Variants in PTPN13 observed in about 807,000 individuals in gnomAD.
The protein encoded by PTPN13 is protein tyrosine phosphatase non-receptor type 13.
A neutral mutation model predicts 284.0 loss-of-function variants in PTPN13; 191 were observed. That is an observed-to-expected ratio of 0.67 (90% CI 0.60 to 0.76). The LOEUF is 0.76. Ranked by LOEUF, PTPN13 falls within the 30% of genes least tolerant of loss-of-function variation. PTPN13 has a pLI of 0.00. For missense variants in PTPN13, 2,797 were observed against 2,939.9 expected (o/e 0.95, Z 1.12); for synonymous variants, 986 against 1,022.3 (o/e 0.96, Z 0.68).
chr4:86,628,421 T>C (rs1406890573), intron 1 of PTPN13, among the ~76,000 whole-genome samples: 3 of 152,126 alleles, frequency 2.0e-5, no homozygotes, highest in Admixed American at 1.3e-4. Context: ...GGTTTTTTAA[T>C]TATATATTCT....
intron 17 of PTPN13, among the ~76,000 whole-genome samples, chr4:86,746,625 G>GATT (rs1554332273): frequency 1.3e-5 from 2 of 151,000 alleles, no homozygotes; most frequent in African/African-American, 4.9e-5. Context: ...CCTCAGTAAT[G>GATT]TTTTTTTTTG....
chr4:86,803,744 C>T lies in PTPN13; in HGVS notation c.6541C>T (p.Leu2181Phe), dbSNP rs757562929. 1 of 1,613,884 alleles carries T rather than the reference C, an allele frequency of 6.2e-7. No homozygotes were observed. The highest frequency in any genetic ancestry group is 1.1e-5 in the South Asian group (1 of 91,074). The change falls in exon 43 of 48, where the codon CTC becomes TTC. Residue 2181 changes from leucine to phenylalanine, a missense_variant. Leu to Phe is a conservative substitution (Grantham distance 22). Coordinates refer to ENST00000411767, the MANE Select transcript of PTPN13 (RefSeq NM_080683.3). ...SFLTNDELAV[L>F]PVVKVLPSGK... ...TCTGACAAACGATGAGCTCGCTGTA[C>T]TCCCTGTCGTCAAAGTGCTTCCCTC...
chr4:86,741,747 A>G lies in PTPN13; in HGVS notation c.2418A>G (p.Glu806=), dbSNP rs1254750413. 1.2e-6 allele frequency: 2 copies of G among 1,613,384 alleles called. No homozygotes were observed. The highest frequency in any genetic ancestry group is 2.2e-5 in the East Asian group (1 of 44,848). ...GTTCTAAAGGTGTCCTTGTGTTTGA[A>G]GTTCACAATGGAGTGCGCACATTGG... ...GVCSKGVLVF[E]VHNGVRTLVL... Residue 806 remains glutamate (E), a synonymous_variant, in exon 16 of 48, where the codon GAA becomes GAG. Coordinates refer to ENST00000411767, the MANE Select transcript of PTPN13 (RefSeq NM_080683.3).
At chr4:86,706,856 T>C (rs1437877808) in intron 7 of PTPN13, among the ~76,000 whole-genome samples, 2 of 152,240 alleles carry the variant, frequency 1.3e-5, no homozygotes, top group Non-Finnish European at 2.9e-5. Context: ...TAAAATTTGA[T>C]GTTGCCCTTT....
At chr4:86,726,184 G>T (rs192476433) in intron 10 of PTPN13, among the ~76,000 whole-genome samples, 105 of 149,640 alleles carry the variant, frequency 7.0e-4, no homozygotes, top group African/African-American at 2.5e-3. Flanking sequence ...CTATATCTCT[G>T]TTTTGGTACC....
At position 86,613,633 on chromosome 4, in the gene PTPN13, C is replaced by CAAAAAAAAAAAAAAAAAA. The variant is rs544971012; in HGVS notation, c.-6+18845_-6+18862dup. 4.8e-3 allele frequency among the ~76,000 whole-genome samples: 295 copies of CAAAAAAAAAAAAAAAAAA among 61,436 alleles called. 4 individuals carry two copies. Among genetic ancestry groups the CAAAAAAAAAAAAAAAAAA allele is most frequent in the African/African-American group, 6.2e-3 (107 of 17,286 alleles). The allele number at this position is 61,436 out of a possible 152,430, so 40.3% of individuals were successfully genotyped here. Reference sequence around the variant, plus strand: ...TGGGCGACAAGGTGAGACTCCGTCTCAAAAAAAAAAAAAAAAAAGAGTTTG... The same window carrying CAAAAAAAAAAAAAAAAAA: ...TGGGCGACAAGGTGAGACTCCGTCTCAAAAAAAAAAAAAAAAAAAAAAAAAAAAAAAAAAAAGAGTTTG... On this transcript the variant is annotated intron_variant, in intron 1 of 47. Coordinates refer to ENST00000411767, the MANE Select transcript of PTPN13 (RefSeq NM_080683.3).
intron 15 of PTPN13, among the ~76,000 whole-genome samples, chr4:86,736,096 A>C (rs1244983248): frequency 6.6e-6 from 1 of 152,230 alleles, no homozygotes; most frequent in Non-Finnish European, 1.5e-5. Context: ...AGGCAAGTTC[A>C]TACTGATTCT....
At chr4:86,616,366 A>G (rs1283081550) in intron 1 of PTPN13, among the ~76,000 whole-genome samples, 3 of 152,176 alleles carry the variant, frequency 2.0e-5, no homozygotes, top group Admixed American at 1.3e-4. Context: ...ATGTTACCTC[A>G]TAGAGATGAG....
At chr4:86,695,526 A>G (rs527837875) in intron 6 of PTPN13, among the ~76,000 whole-genome samples, 1 of 152,226 alleles carries the variant, frequency 6.6e-6, no homozygotes, top group South Asian at 2.1e-4. Context: ...AAACTTATAG[A>G]TGAATATCAA....
intron 5 of PTPN13, among the ~76,000 whole-genome samples, chr4:86,692,569 T>C (rs190256956): frequency 6.6e-6 from 1 of 152,302 alleles, no homozygotes; most frequent in East Asian, 1.9e-4. Flanking sequence ...TCCATTTATA[T>C]TGACATTTCT....
At chr4:86,733,168 G>A (rs185888495) in intron 12 of PTPN13, among the ~76,000 whole-genome samples, 38 of 151,996 alleles carry the variant, frequency 2.5e-4, no homozygotes, top group Admixed American at 1.5e-3. Context: ...AAATCACAGT[G>A]ACTTTTTAAA....
At chr4:86,648,412 C>T (rs557189989) in intron 2 of PTPN13, among the ~76,000 whole-genome samples, 4 of 152,220 alleles carry the variant, frequency 2.6e-5, no homozygotes, top group Admixed American at 1.3e-4. Context: ...AACCATCATT[C>T]TACTCTCTAT....
intron 2 of PTPN13, among the ~76,000 whole-genome samples, chr4:86,663,912 TCATA>T (rs1415401837): frequency 1.3e-5 from 2 of 152,198 alleles, no homozygotes; most frequent in Non-Finnish European, 2.9e-5. Flanking sequence ...GGATATAAAG[TCATA>T]CATACCTCAT....
chr4:86,812,590 A>G (rs886315359), intron 47 of PTPN13, among the ~76,000 whole-genome samples: 3 of 152,190 alleles, frequency 2.0e-5, no homozygotes, highest in Non-Finnish European at 4.4e-5. Flanking sequence ...CACTTAAGCA[A>G]AGATTTGAAG....
chr4:86,745,665 A>G (rs1736663309), intron 17 of PTPN13, among the ~76,000 whole-genome samples: 1 of 152,008 alleles, frequency 6.6e-6, no homozygotes, highest in African/African-American at 2.4e-5. Flanking sequence ...AATCCCAGCT[A>G]CTTGGGAGGC....
chr4:86,750,535 G>A lies in PTPN13; in HGVS notation c.2716G>A (p.Ala906Thr). Residue 906 changes from alanine (A) to threonine (T), a missense_variant, in exon 18 of 48, where the codon GCA becomes ACA. Transcript: ENST00000411767. ...TGTTAGAGGATTTAATATGGGACGA[G>A]CAATCAGCACTGGCAGTCTGGCCAG... ...ESVRGFNMGR[A>T]ISTGSLASST... The A allele has an allele frequency of 3.7e-6, 6 of 1,613,954 alleles. No individual in the cohort carries two copies. Among genetic ancestry groups the A allele is most frequent in the Non-Finnish European group, 5.1e-6 (6 of 1,179,876 alleles).
chr4:86,765,390 T>G lies in PTPN13; in HGVS notation c.4150-5T>G, dbSNP rs1197945262. ...TAAAATATTATTTTGTCTTTTTCTC[T>G]TTAGGGAGGTGTGAATACGAGTGTC... On this transcript the variant is annotated splice_polypyrimidine_tract_variant and splice_region_variant and intron_variant, in intron 25 of 47. Coordinates refer to ENST00000411767, the MANE Select transcript of PTPN13 (RefSeq NM_080683.3). The G allele has an allele frequency of 6.3e-7, 1 of 1,587,158 alleles. No homozygotes were observed. The highest frequency in any genetic ancestry group is 8.6e-7 in the Non-Finnish European group (1 of 1,165,124).
Position 86,763,851 on chromosome 4 carries a change from C to G in PTPN13, c.4017+661C>G, listed in dbSNP as rs149506531. On this transcript the variant is annotated intron_variant, in intron 24 of 47. Transcript: ENST00000411767. The stretch of plus-strand genomic sequence containing the variant: ...GCTTAAGCCCAGAAGCCCAGGCGAT[C>G]GAGCCAGACCCTAACAGAAAGAAGG... Among the ~76,000 whole-genome samples, 261 of 151,916 alleles carry G rather than the reference C, an allele frequency of 1.7e-3. 3 individuals are homozygous for G. The highest frequency in any genetic ancestry group is 6.1e-3 in the African/African-American group (251 of 41,428).
At chr4:86,707,284 G>A (rs1169388911) in intron 7 of PTPN13, among the ~76,000 whole-genome samples, 2 of 152,350 alleles carry the variant, frequency 1.3e-5, no homozygotes, top group Middle Eastern at 3.4e-3. Flanking sequence ...CTATAGTTAA[G>A]TGTTATTTGT....
Sources: allele counts gnomAD v4.1 joint callset (sites outside exome capture counted in the v4.1 genomes callset), GRCh38; gene constraint gnomAD v4.1.1; transcripts MANE v1.5; gene names NCBI Gene and HGNC (gene_info 2026-07-23, HGNC 2026-07-21).